SLCO3A1: variants seen among roughly 807,000 people sequenced by gnomAD.
SLCO3A1 encodes the protein solute carrier organic anion transporter family member 3A1.
A neutral mutation model predicts 63.1 loss-of-function variants in SLCO3A1; 27 were observed. The observed-to-expected ratio is 0.43, with a 90% CI of 0.32 to 0.59. SLCO3A1 has a LOEUF of 0.59. Among genes scored for constraint, SLCO3A1 ranks in the 20% least tolerant of loss-of-function variants. The probability of loss-of-function intolerance (pLI) is 0.09; values close to 1 mark genes in which losing one functional copy is unlikely to be tolerated. For synonymous variants in SLCO3A1, 473 were observed against 409.9 expected, an observed-to-expected ratio of 1.15 and a Z score of -1.86; for missense variants, 773 against 945.8, an observed-to-expected ratio of 0.82 and a Z score of 2.40.
At chr15:92,028,934 T>TGTGTGTGTGTGTGTGTGTGC (rs1567075331) in intron 2 of SLCO3A1, among the ~76,000 whole-genome samples, 3 of 151,570 alleles carry the variant, frequency 2.0e-5, no homozygotes, top group African/African-American at 7.3e-5. Flanking sequence ...TGTGTGTGTG[T>TGTGTGTGTGTGTGTGTGTGC]GTGTGTGTGT....
intron 7 of SLCO3A1, among the ~76,000 whole-genome samples, chr15:92,142,974 T>A (rs1454189296): frequency 2.0e-5 from 3 of 151,952 alleles, no homozygotes; most frequent in Non-Finnish European, 4.4e-5. Flanking sequence ...AGCTCACCGA[T>A]CACATGGCTC....
intron 2 of SLCO3A1, among the ~76,000 whole-genome samples, chr15:91,927,112 G>C (rs1226544097): frequency 1.3e-5 from 2 of 152,032 alleles, no homozygotes. Flanking sequence ...AGGCAACTGT[G>C]GTGAAAAGTC....
At chr15:91,957,125 A>ATATATAAT (rs1567037771) in intron 2 of SLCO3A1, among the ~76,000 whole-genome samples, 6 of 8,736 alleles carry the variant, frequency 6.9e-4, no homozygotes, top group Admixed American at 2.7e-3. Flanking sequence ...TAATATATAT[A>ATATATAAT]ATATATATAC....
chr15:92,035,967 G>A (rs1290298361), intron 2 of SLCO3A1, among the ~76,000 whole-genome samples: 1 of 151,978 alleles, frequency 6.6e-6, no homozygotes, highest in East Asian at 1.9e-4. Flanking sequence ...AGACTCTAGT[G>A]TCAGCCAGAT....
intron 1 of SLCO3A1, among the ~76,000 whole-genome samples, chr15:91,858,052 C>T (rs563979709): frequency 1.3e-5 from 2 of 152,124 alleles, no homozygotes; most frequent in African/African-American, 2.4e-5. Flanking sequence ...TTTCTTTCAG[C>T]CTGAGAATAG....
rs1896989869 is a variant in SLCO3A1, at chr15:91,859,017, TG to T, written c.180+4930del. Among the ~76,000 whole-genome samples, 1 of 152,258 alleles carries T rather than the reference TG, an allele frequency of 6.6e-6. No individual in the cohort carries two copies. Among genetic ancestry groups the T allele is most frequent in the East Asian group, 1.9e-4 (1 of 5,206 alleles). On this transcript the variant is annotated intron_variant, in intron 1 of 9. Transcript: ENST00000318445. The surrounding 1 kb of genome is among the most constrained non-coding windows in gnomAD (Gnocchi z 5.1). ...CACTACATGCATCATTTAATAAGCA[TG>T]TTTCTCTAAAGTGGAGTCAAAGTAC...
At chr15:91,940,950 G>A (rs1481088758) in intron 2 of SLCO3A1, among the ~76,000 whole-genome samples, 7 of 152,130 alleles carry the variant, frequency 4.6e-5, no homozygotes, top group African/African-American at 1.7e-4. Context: ...AGGTCAAGAG[G>A]GGCCCCCTTG....
Position 91,854,108 on chromosome 15 carries a change from C to T in SLCO3A1, c.180+20C>T, listed in dbSNP as rs1011205108. 3 of 1,461,316 alleles carry T rather than the reference C, an allele frequency of 2.1e-6. No homozygotes were observed. Among genetic ancestry groups the T allele is most frequent in the Non-Finnish European group, 2.7e-6 (3 of 1,098,308 alleles). 90.5% of individuals were successfully genotyped at this position (1,461,316 alleles called of 1,614,324 possible). ...TACCTGGTGAGTCCCCGAGCCAACT[C>T]CGCCGCGGGCCCCTTCCCCAGCCCG... is the stretch of plus-strand genomic sequence containing the variant. On this transcript the variant is annotated intron_variant, in intron 1 of 9. Coordinates refer to ENST00000318445, the MANE Select transcript of SLCO3A1 (RefSeq NM_013272.4). This position sits in a 1 kb window ranked among gnomAD's most constrained non-coding sequence, Gnocchi z 6.4.
chr15:92,082,121 ACCT>A (rs893821049), intron 2 of SLCO3A1, among the ~76,000 whole-genome samples: 5 of 152,060 alleles, frequency 3.3e-5, no homozygotes, highest in Non-Finnish European at 7.4e-5. Flanking sequence ...TTCCCTGTTC[ACCT>A]CCTCCTCAGA....
chr15:92,141,923 G>A (rs1320730729), intron 7 of SLCO3A1, among the ~76,000 whole-genome samples: 1 of 152,200 alleles, frequency 6.6e-6, no homozygotes, highest in Non-Finnish European at 1.5e-5. Context: ...TGGAGAGGTT[G>A]CAGGGCTGCC....
At chr15:92,055,338 G>A (rs1346127384) in intron 2 of SLCO3A1, among the ~76,000 whole-genome samples, 2 of 152,012 alleles carry the variant, frequency 1.3e-5, no homozygotes, top group African/African-American at 2.4e-5. Flanking sequence ...TATAGATTCT[G>A]GATATTAGAC....
Position 91,859,154 on chromosome 15 carries a change from G to A in SLCO3A1, c.180+5066G>A, listed in dbSNP as rs1408387040. Reference sequence around the variant, plus strand: ...ATGAATATTGTATGCCATACTTTTTGAAGGTGCGAAGGGACATTTCAATGG... The same window carrying A: ...ATGAATATTGTATGCCATACTTTTTAAAGGTGCGAAGGGACATTTCAATGG... On this transcript the variant is annotated intron_variant, in intron 1 of 9. Coordinates refer to ENST00000318445, the MANE Select transcript of SLCO3A1 (RefSeq NM_013272.4). The surrounding 1 kb of genome is among the most constrained non-coding windows in gnomAD (Gnocchi z 5.1). Among the ~76,000 whole-genome samples the A allele has an allele frequency of 6.6e-6, 1 of 152,150 alleles. No homozygotes were observed. The highest frequency in any genetic ancestry group is 1.5e-5 in the Non-Finnish European group (1 of 68,028).
chr15:91,988,681 T>C (rs1433367443), intron 2 of SLCO3A1, among the ~76,000 whole-genome samples: 2 of 151,430 alleles, frequency 1.3e-5, no homozygotes, highest in African/African-American at 4.9e-5. Flanking sequence ...TTGTAATAAC[T>C]CTAAGGTGGA....
At chr15:92,059,825 T>C (rs544781706) in intron 2 of SLCO3A1, among the ~76,000 whole-genome samples, 6 of 152,312 alleles carry the variant, frequency 3.9e-5, no homozygotes, top group Non-Finnish European at 8.8e-5. Flanking sequence ...CAGTCATGCA[T>C]GGCTTAATGA....
chr15:92,167,781 A>G (rs2048501248), downstream of SLCO3A1, among the ~76,000 whole-genome samples: 1 of 152,168 alleles, frequency 6.6e-6, no homozygotes, highest in African/African-American at 2.4e-5. Flanking sequence ...AGCAACCCAG[A>G]ATGCTTGGTC....
rs574678423 is a variant in SLCO3A1 at position 91,881,823 on chromosome 15, G to T, written c.180+27735G>T. 2.2e-4 allele frequency among the ~76,000 whole-genome samples: 33 copies of T among 152,104 alleles called. 1 individual carries two copies. The highest frequency in any genetic ancestry group is 8.8e-5 in the Non-Finnish European group (6 of 68,022). On this transcript the variant is annotated intron_variant, in intron 1 of 9. Coordinates refer to ENST00000318445, the MANE Select transcript of SLCO3A1 (RefSeq NM_013272.4). ...GACTTTAGGAGATGGTTTTCTTAGCGCAAGCAGCATGACTTCTTTGCCTGG... is the reference window on the plus strand; with the variant it reads ...GACTTTAGGAGATGGTTTTCTTAGCTCAAGCAGCATGACTTCTTTGCCTGG...
At chr15:92,034,358 G>GGGTCCTGAGCTT (rs60178869) in intron 2 of SLCO3A1, among the ~76,000 whole-genome samples, 62,236 of 150,960 alleles carry the variant, frequency 0.41, 15,857 homozygotes, top group African/African-American at 0.7. Context: ...GCTGGGGTGG[G>GGGTCCTGAGCTT]GTGTTTGGAT....
chr15:92,142,661 C>A (rs1474686524), intron 7 of SLCO3A1, among the ~76,000 whole-genome samples: 7 of 152,194 alleles, frequency 4.6e-5, no homozygotes, highest in Non-Finnish European at 8.8e-5. Flanking sequence ...GGCAGCTTAA[C>A]CCTGCTGTCT....
Position 91,916,274 on chromosome 15 carries a change from C to G in SLCO3A1, c.462C>G (p.Gly154=). The G allele has an allele frequency of 1.9e-6, 3 of 1,551,588 alleles. No individual in the cohort carries two copies. Among genetic ancestry groups the G allele is most frequent in the Non-Finnish European group, 2.6e-6 (3 of 1,150,886 alleles). ...AEGRDVCAAN[G]SGGDEGPDPD... is the part of the protein sequence containing the mutation. ...GCCGCGACGTCTGCGCAGCCAACGG[C>G]TCGGGCGGCGACGAGGGGCCCGACC... The change falls in exon 2 of 10, where the codon GGC becomes GGG. Residue 154 remains glycine, a synonymous_variant. Coordinates refer to ENST00000318445, the MANE Select transcript of SLCO3A1 (RefSeq NM_013272.4). This position sits in a 1 kb window ranked among gnomAD's most constrained non-coding sequence, Gnocchi z 6.2.
Sources: gnomAD v4.1 joint callset for allele counts (sites outside exome capture counted in the v4.1 genomes callset) on GRCh38, gnomAD v4.1.1 for gene constraint, Gnocchi (gnomAD v3.1) non-coding constraint, MANE v1.5 for transcripts, NCBI Gene and HGNC (gene_info 2026-07-23, HGNC 2026-07-21) for gene names.